Variants in TARBP1 observed in about 807,000 individuals in gnomAD.
TARBP1 encodes the protein tRNA (guanosine(18)-2'-O)-methyltransferase TARBP1.
Under a neutral mutation model 178.6 loss-of-function variants are expected in TARBP1, and 144 were observed. That is an observed-to-expected ratio of 0.81 (90% CI 0.70 to 0.93). The LOEUF is 0.93. Among genes scored for constraint, TARBP1 ranks in the 40% least tolerant of loss-of-function variants. TARBP1 has a pLI of 0.00. For missense variants in TARBP1, 2,067 were observed against 2,011.7 expected, an observed-to-expected ratio of 1.03 and a Z score of -0.53; for synonymous variants, 787 against 781.0, an observed-to-expected ratio of 1.01 and a Z score of -0.13.
Position 234,471,271 on chromosome 1 carries a change from C to A in TARBP1, c.1030-14G>T, listed in dbSNP as rs1311310256. The A allele has an allele frequency of 2.6e-6, 4 of 1,510,522 alleles. No individual in the cohort carries two copies. The highest frequency in any genetic ancestry group is 2.5e-5 in the South Asian group (2 of 81,428). The allele number at this position is 1,510,522 out of a possible 1,614,324, so 93.6% of individuals were successfully genotyped here. A position where few individuals can be genotyped will look rare whatever the true frequency, so the allele number is the denominator to read the frequency against. The stretch of plus-strand genomic sequence containing the variant: ...TATAACATGTATCTAAAAATAAGAG[C>A]AAAAAAATCATATGAAATGAAAATG... On this transcript the variant is annotated splice_polypyrimidine_tract_variant and intron_variant, in intron 2 of 29. Transcript: ENST00000040877.
Position 234,433,457 on chromosome 1 carries a change from A to G in TARBP1, c.2347T>C (p.Leu783=). ...AGATGCTGAATGGATGCATTTTTCAAAAGAGAAATAACTCTCCAGATAGGG... is the reference window on the plus strand; with the variant it reads ...AGATGCTGAATGGATGCATTTTTCAGAAGAGAAATAACTCTCCAGATAGGG... The part of the protein sequence containing the change: ...GNPIWRVISL[L]KNASIQHLQE... Residue 783 remains leucine (L), a synonymous_variant, in exon 14 of 30, where the codon TTG becomes CTG. Transcript: ENST00000040877. 1 of 1,614,004 alleles carries G rather than the reference A, an allele frequency of 6.2e-7. No homozygotes were observed. Among genetic ancestry groups the G allele is most frequent in the East Asian group, 2.2e-5 (1 of 44,874 alleles).
intron 9 of TARBP1, among the ~76,000 whole-genome samples, chr1:234,453,957 G>T (rs1001582821): frequency 6.6e-6 from 1 of 152,170 alleles, no homozygotes; most frequent in Non-Finnish European, 1.5e-5. Flanking sequence ...AGGAGAGTCA[G>T]AGATGAAAAC....
Position 234,479,125 on chromosome 1 carries a change from G to C in TARBP1, c.-22C>G, listed in dbSNP as rs12081238. 2 of 1,512,902 alleles carry C rather than the reference G, an allele frequency of 1.3e-6. No homozygotes were observed. The highest frequency in any genetic ancestry group is 4.4e-5 in the Admixed American group (2 of 45,644). The allele number at this position is 1,512,902 out of a possible 1,614,324, so 93.7% of individuals were successfully genotyped here. A position where few individuals can be genotyped will look rare whatever the true frequency, so the allele number is the denominator to read the frequency against. ...CCATTTGCCGAGCGCCCGCGCCACC[G>C]GCCCGGGCTCCCAAAGGAAGGCGCC... On this transcript the variant is annotated 5_prime_UTR_variant, in exon 1 of 30. Coordinates refer to ENST00000040877, the MANE Select transcript of TARBP1 (RefSeq NM_005646.4).
intron 5 of TARBP1, among the ~76,000 whole-genome samples, chr1:234,464,316 CAAAA>C (rs2103275174): frequency 6.6e-6 from 1 of 152,228 alleles, no homozygotes; most frequent in South Asian, 2.1e-4. Flanking sequence ...AGGTCTAAAA[CAAAA>C]GAAGTAACAT....
intron 25 of TARBP1, among the ~76,000 whole-genome samples, chr1:234,400,487 CCAAAAAAATTGCTTAT>C (rs1160603891): frequency 6.6e-6 from 1 of 151,962 alleles, no homozygotes; most frequent in African/African-American, 2.4e-5. Context: ...TAGTAATCCA[CCAAAAAAATTGCTTAT>C]GCACAGCAGC....
intron 7 of TARBP1, 100 bp from the exon 8 acceptor site, chr1:234,459,426 A>AG: frequency 1.2e-6 from 1 of 858,480 alleles, no homozygotes. Context: ...ACACTTCCTA[A>AG]TGCAGAAAGT....
At chr1:234,414,014 G>A (rs1204429876) in intron 22 of TARBP1, among the ~76,000 whole-genome samples, 1 of 152,208 alleles carries the variant, frequency 6.6e-6, no homozygotes, top group Admixed American at 6.5e-5. Flanking sequence ...AAGGCACTCA[G>A]TGTTACACAT....
intron 19 of TARBP1, among the ~76,000 whole-genome samples, chr1:234,426,538 C>T (rs1663795350): frequency 6.6e-6 from 1 of 151,710 alleles, no homozygotes; most frequent in Non-Finnish European, 1.5e-5. Flanking sequence ...TGATTTACAA[C>T]ACAGTTAGGA....
At position 234,451,673 on chromosome 1, in the gene TARBP1, C is replaced by T. The variant is rs1205279471; in HGVS notation, c.1723-1107G>A. Among the ~76,000 whole-genome samples, 60 of 36,814 alleles carry T rather than the reference C, an allele frequency of 1.6e-3. 13 individuals carry two copies. The highest frequency in any genetic ancestry group is 3.2e-3 in the Admixed American group (8 of 2,470). The allele number at this position is 36,814 out of a possible 152,430, so 24.2% of individuals were successfully genotyped here. A position where few individuals can be genotyped will look rare whatever the true frequency, so the allele number is the denominator to read the frequency against. On this transcript the variant is annotated intron_variant, in intron 9 of 29. Transcript: ENST00000040877. ...CTGAGGCAGGAGAATGGCGTGAACC[C>T]GGGAGGCGGAGCTTGCAGTGAGCCG...
Position 234,427,731 on chromosome 1 carries a change from C to G in TARBP1, c.3096G>C (p.Lys1032Asn), listed in dbSNP as rs779680469. ...MYKIIEMSAI[K>N]TGVFNTLISY... ...TTATCAGTGTATTGAAGACTCCAGT[C>G]TTTATAGCAGACATTTCAATTATCT... The change falls in exon 18 of 30, where the codon AAG becomes AAC. Residue 1032 changes from lysine to asparagine, a missense_variant. Lys to Asn is a moderately conservative substitution (Grantham distance 94). Transcript: ENST00000040877. 4.8e-6 allele frequency: 7 copies of G among 1,472,432 alleles called. No homozygotes were observed. The highest frequency in any genetic ancestry group is 6.3e-6 in the Non-Finnish European group (7 of 1,114,974). The allele number at this position is 1,472,432 out of a possible 1,614,324, so 91.2% of individuals were successfully genotyped here.
At chr1:234,397,927 G>A (rs1660299627) in intron 26 of TARBP1, among the ~76,000 whole-genome samples, 1 of 149,708 alleles carries the variant, frequency 6.7e-6, no homozygotes, top group African/African-American at 2.5e-5. Flanking sequence ...ATGAGACAGA[G>A]GAGAAGGGAT....
chr1:234,453,932 G>A (rs2103236662), intron 9 of TARBP1, among the ~76,000 whole-genome samples: 1 of 152,206 alleles, frequency 6.6e-6, no homozygotes, highest in Non-Finnish European at 1.5e-5. Flanking sequence ...TTAGGAGACA[G>A]GCAAAACAAA....
In TARBP1 at chr1:234,392,430, A is replaced by G; in HGVS notation, c.4683T>C (p.Ser1561=). 1 of 1,614,164 alleles carries G rather than the reference A, an allele frequency of 6.2e-7. No individual in the cohort carries two copies. Residue 1561 remains serine, a synonymous_variant, in exon 29 of 30, where the codon TCT becomes TCC. Transcript: ENST00000040877. ...AAGCTTCTTACCCCAACAAGAGCAG[A>G]GATTTCTCAGGAAAGCAATATTGGG... The part of the protein sequence containing the change: ...DLTQYCFPEK[S]LLLLGNEREG...
At chr1:234,440,361 C>CAA (rs34253337) in intron 12 of TARBP1, among the ~76,000 whole-genome samples, 7 of 141,712 alleles carry the variant, frequency 4.9e-5, no homozygotes, top group East Asian at 2.0e-4. Flanking sequence ...TGAAATTGAC[C>CAA]AAAAAAAAAA....
Position 234,398,518 on chromosome 1 carries a change from A to T in TARBP1, c.4107T>A (p.Leu1369=). Residue 1369 remains leucine, a synonymous_variant, in exon 26 of 30, where the codon CTT becomes CTA. Transcript: ENST00000040877. The part of the protein sequence containing the change: ...IFYILPRLSG[L]IEDEWITIDK... Reference sequence around the variant, plus strand: ...CAATGGTGATCCATTCATCTTCAATAAGGCCTGAAAGGCGTGGAAGGATGT... The same window carrying T: ...CAATGGTGATCCATTCATCTTCAATTAGGCCTGAAAGGCGTGGAAGGATGT... The T allele has an allele frequency of 6.2e-7, 1 of 1,606,560 alleles. No individual in the cohort carries two copies. Among genetic ancestry groups the T allele is most frequent in the Non-Finnish European group, 8.5e-7 (1 of 1,175,242 alleles).
intron 17 of TARBP1, 29 bp downstream of exon 17, chr1:234,429,107 A>C (rs1314217265): frequency 6.5e-7 from 1 of 1,530,524 alleles, no homozygotes; most frequent in Non-Finnish European, 8.7e-7. Flanking sequence ...ACATGAAAAG[A>C]AAAGCAAAAA....
Position 234,391,713 on chromosome 1 carries a change from A to G in TARBP1, c.4730T>C (p.Ile1577Thr), listed in dbSNP as rs1224969620. Residue 1577 changes from isoleucine to threonine, a missense_variant, in exon 30 of 30, where the codon ATC (isoleucine) becomes ACC (threonine). Coordinates refer to ENST00000040877, the MANE Select transcript of TARBP1 (RefSeq NM_005646.4). ...NEREGIPANLIQQLDVCVEIP... is the reference protein window; with the variant it reads ...NEREGIPANLTQQLDVCVEIP... Reference sequence around the variant, plus strand: ...TTCCACACAAACGTCCAACTGTTGGATCAGATTTGCTGGAATTCCCTCACG... The same window carrying G: ...TTCCACACAAACGTCCAACTGTTGGGTCAGATTTGCTGGAATTCCCTCACG... 1.2e-6 allele frequency: 2 copies of G among 1,613,558 alleles called. No individual in the cohort carries two copies. The highest frequency in any genetic ancestry group is 1.7e-6 in the Non-Finnish European group (2 of 1,179,936).
intron 5 of TARBP1, among the ~76,000 whole-genome samples, chr1:234,465,328 G>A (rs1375082112): frequency 6.6e-6 from 1 of 152,170 alleles, no homozygotes; most frequent in African/African-American, 2.4e-5. Flanking sequence ...AGTTTAAAGT[G>A]TTGGTTAGTC....
intron 25 of TARBP1, among the ~76,000 whole-genome samples, chr1:234,399,575 C>T (rs1237574803): frequency 6.6e-6 from 1 of 152,134 alleles, no homozygotes; most frequent in Non-Finnish European, 1.5e-5. Context: ...GCTATAAAGA[C>T]ACATGCACAC....
Sources: gnomAD v4.1 joint callset for allele counts (sites outside exome capture counted in the v4.1 genomes callset) on GRCh38, gnomAD v4.1.1 for gene constraint, MANE v1.5 for transcripts, NCBI Gene and HGNC (gene_info 2026-07-23, HGNC 2026-07-21) for gene names.